The following GALNTL6 variants were observed in gnomAD, a reference collection of about 807,000 sequenced individuals.
GALNTL6 encodes polypeptide N-acetylgalactosaminyltransferase like 6.
Under a neutral mutation model 73.7 loss-of-function variants are expected in GALNTL6, and 46 were observed. The observed-to-expected ratio is 0.62, with a 90% CI of 0.49 to 0.80. The LOEUF (loss-of-function observed/expected upper bound fraction) is 0.80, where lower values mean the gene tolerates loss of function less well. Ranked by LOEUF, GALNTL6 falls within the 30% of genes least tolerant of loss-of-function variation. GALNTL6 has a pLI of 0.00. For missense variants in GALNTL6, 604 were observed against 755.0 expected, an observed-to-expected ratio of 0.80 and a Z score of 2.34; for synonymous variants, 259 against 263.7, an observed-to-expected ratio of 0.98 and a Z score of 0.17.
chr4:172,330,005 A>C (rs1482044168), intron 4 of GALNTL6, among the ~76,000 whole-genome samples: 1 of 152,206 alleles, frequency 6.6e-6, no homozygotes, highest in Non-Finnish European at 1.5e-5. Flanking sequence ...GCTGCATCTC[A>C]GGGACGTATA....
intron 5 of GALNTL6, among the ~76,000 whole-genome samples, chr4:172,726,422 G>A (rs947569628): frequency 3.3e-5 from 5 of 152,112 alleles, no homozygotes; most frequent in Non-Finnish European, 7.4e-5. Context: ...ACATTCCTTT[G>A]TACTTGCACC....
Position 172,808,675 on chromosome 4 carries a change from C to T in GALNTL6, c.554-686C>T, listed in dbSNP as rs115843654. 1.8e-3 allele frequency among the ~76,000 whole-genome samples: 277 copies of T among 152,184 alleles called. 3 individuals carry two copies. Among genetic ancestry groups the T allele is most frequent in the African/African-American group, 6.1e-3 (255 of 41,532 alleles). On this transcript the variant is annotated intron_variant, in intron 5 of 12. Coordinates refer to ENST00000506823, the MANE Select transcript of GALNTL6 (RefSeq NM_001034845.3). Reference sequence around the variant, plus strand: ...TATTTTATTCTGTGAATAAATTATCCGATTTGATTTTGTTTCCACTATTTG... The same window carrying T: ...TATTTTATTCTGTGAATAAATTATCTGATTTGATTTTGTTTCCACTATTTG...
chr4:172,445,902 C>G (rs1474932653), intron 5 of GALNTL6, among the ~76,000 whole-genome samples: 1 of 152,048 alleles, frequency 6.6e-6, no homozygotes, highest in Admixed American at 6.6e-5. Context: ...TACTATTATT[C>G]TAATGCCTTC....
intron 2 of GALNTL6, among the ~76,000 whole-genome samples, chr4:172,201,884 C>T (rs1735970162): frequency 6.6e-6 from 1 of 152,018 alleles, no homozygotes; most frequent in East Asian, 1.9e-4. Context: ...ATGGTAGGTT[C>T]TCACTTGATG....
At chr4:172,140,960 T>C (rs1733783164) in intron 2 of GALNTL6, among the ~76,000 whole-genome samples, 1 of 152,076 alleles carries the variant, frequency 6.6e-6, no homozygotes, top group Non-Finnish European at 1.5e-5. Context: ...CTCCTGTTAA[T>C]GGTATGAAAG....
intron 3 of GALNTL6, among the ~76,000 whole-genome samples, chr4:172,281,825 G>C (rs1045815920): frequency 2.0e-5 from 3 of 151,988 alleles, no homozygotes; most frequent in Non-Finnish European, 4.4e-5. Flanking sequence ...TTTTTGCCAT[G>C]TAAGGTAACA....
chr4:171,821,254 C>G (rs1405188906), intron 2 of GALNTL6, among the ~76,000 whole-genome samples: 1 of 152,074 alleles, frequency 6.6e-6, no homozygotes, highest in African/African-American at 2.4e-5. Context: ...GTTACCCAGG[C>G]TGGTCTCAAC....
chr4:172,000,481 TG>T (rs1046784038), intron 2 of GALNTL6, among the ~76,000 whole-genome samples: 1 of 152,138 alleles, frequency 6.6e-6, no homozygotes, highest in African/African-American at 2.4e-5. Flanking sequence ...GTACAATTAT[TG>T]TCCTGAATGT....
chr4:173,006,395 A>G (rs1752293094), intron 10 of GALNTL6, among the ~76,000 whole-genome samples: 1 of 152,196 alleles, frequency 6.6e-6, no homozygotes, highest in African/African-American at 2.4e-5. Flanking sequence ...TAGAAAACCA[A>G]CACGCTGCAC....
chr4:172,513,855 T>A (rs1734512599), intron 5 of GALNTL6, among the ~76,000 whole-genome samples: 1 of 152,056 alleles, frequency 6.6e-6, no homozygotes. Flanking sequence ...TTGACTTTCG[T>A]TTTGTTTAGT....
At chr4:172,947,830 A>G (rs560925765) in intron 9 of GALNTL6, among the ~76,000 whole-genome samples, 1 of 152,264 alleles carries the variant, frequency 6.6e-6, no homozygotes, top group South Asian at 2.1e-4. Flanking sequence ...TCCTATATAA[A>G]TACCCTGACG....
intron 4 of GALNTL6, among the ~76,000 whole-genome samples, chr4:172,317,248 T>C (rs1027136312): frequency 6.6e-6 from 1 of 152,236 alleles, no homozygotes; most frequent in Admixed American, 6.5e-5. Flanking sequence ...GTATATTGAA[T>C]AATGATTCTA....
intron 11 of GALNTL6, among the ~76,000 whole-genome samples, chr4:173,018,598 G>C (rs1388414105): frequency 6.6e-6 from 1 of 152,228 alleles, no homozygotes; most frequent in Non-Finnish European, 1.5e-5. Flanking sequence ...GCAGTTCAAA[G>C]AGGATGGCTT....
intron 5 of GALNTL6, among the ~76,000 whole-genome samples, chr4:172,627,518 A>G (rs6553639): frequency 0.37 from 55,320 of 150,606 alleles, 11,216 homozygotes; most frequent in African/African-American, 0.52. Context: ...ATGAGTTGGG[A>G]AGAAATGCCT....
In GALNTL6 at chr4:172,663,742, A is replaced by G. The variant is rs534700084; in HGVS notation, c.554-145619A>G. Among the ~76,000 whole-genome samples the G allele has an allele frequency of 6.0e-4, 92 of 152,264 alleles. 1 individual carries two copies. In the South Asian group the frequency reaches 0.016, roughly 26 times the overall value. On this transcript the variant is annotated intron_variant, in intron 5 of 12. Transcript: ENST00000506823. ...TCAGGAGTTCAGGACCAGCCTGGCC[A>G]ACAGGGCGAAACCCCATCTCTACTA...
chr4:172,613,356 C>A (rs1456185285), intron 5 of GALNTL6, among the ~76,000 whole-genome samples: 1 of 151,800 alleles, frequency 6.6e-6, no homozygotes, highest in Non-Finnish European at 1.5e-5. Flanking sequence ...AGGACCTAGG[C>A]CTGTGAAGAG....
intron 3 of GALNTL6, among the ~76,000 whole-genome samples, chr4:172,300,791 G>A (rs1257799391): frequency 1.3e-5 from 2 of 152,126 alleles, no homozygotes; most frequent in African/African-American, 4.8e-5. Context: ...CTCTGTGGCT[G>A]CCCTTAACAT....
At chr4:172,066,065 G>T (rs1483098667) in intron 2 of GALNTL6, among the ~76,000 whole-genome samples, 1 of 152,172 alleles carries the variant, frequency 6.6e-6, no homozygotes, top group East Asian at 1.9e-4. Flanking sequence ...AGATACATTT[G>T]TTACAGTTGA....
At chr4:172,471,345 T>G (rs1733041360) in intron 5 of GALNTL6, among the ~76,000 whole-genome samples, 1 of 152,234 alleles carries the variant, frequency 6.6e-6, no homozygotes, top group Non-Finnish European at 1.5e-5. Context: ...ATGAATTTCT[T>G]TATTTTTACT....
Sources: allele counts gnomAD v4.1 joint callset (sites outside exome capture counted in the v4.1 genomes callset), GRCh38; gene constraint gnomAD v4.1.1; transcripts MANE v1.5; gene names NCBI Gene and HGNC (gene_info 2026-07-23, HGNC 2026-07-21).